Variants in ANKLE2 observed in about 807,000 individuals in gnomAD.
ANKLE2 encodes ankyrin repeat and LEM domain containing 2.
In ANKLE2, 55 loss-of-function variants were observed where a neutral mutation model predicts 84.2. That is an observed-to-expected ratio of 0.65 (90% CI 0.53 to 0.82). The LOEUF is 0.82. ANKLE2 is among the 40% of genes least tolerant of loss of function. ANKLE2 has a pLI of 0.00. For synonymous variants in ANKLE2, 551 were observed against 486.1 expected (o/e 1.13, Z -1.76); for missense variants, 1,238 against 1,201.9 (o/e 1.03, Z -0.44).
rs774140011 is a variant in ANKLE2, at chr12:132,728,086, G to T, written c.2561C>A (p.Ala854Asp). The change falls in exon 12 of 13, where the codon GCC becomes GAC. Residue 854 changes from alanine to aspartate, a missense_variant. Physicochemically the swap from Ala to Asp is moderately radical, Grantham distance 126. Around this residue, in one of 3 missense-constraint regions of ANKLE2, gnomAD observed 802 missense variants for 774.5 expected, o/e 1.04. Coordinates refer to ENST00000357997, the MANE Select transcript of ANKLE2 (RefSeq NM_015114.3). ...CADVDPHQFP[A>D]VHRWKSAVLC... is the part of the protein sequence containing the mutation. ...GACAGCACTCTTCCATCTGTGCACG[G>T]CCGGGAACTGATGGGGGTCGACGTC... The T allele has an allele frequency of 6.2e-7, 1 of 1,612,968 alleles. No individual in the cohort carries two copies. Among genetic ancestry groups the T allele is most frequent in the East Asian group, 2.2e-5 (1 of 44,884 alleles).
intron 3 of ANKLE2, among the ~76,000 whole-genome samples, chr12:132,750,128 C>G (rs182229619): frequency 1.3e-3 from 201 of 148,948 alleles, no homozygotes; most frequent in African/African-American, 5.0e-3. Context: ...TCGCTTGAAC[C>G]CGGGAGGTGG....
rs143910811 is a variant in ANKLE2 at position 132,753,138 on chromosome 12, T to C, written c.640+1537A>G. Among the ~76,000 whole-genome samples, 297 of 151,962 alleles carry C rather than the reference T, an allele frequency of 2.0e-3. 1 individual carries two copies. Among genetic ancestry groups the C allele is most frequent in the Middle Eastern group, 6.8e-3 (2 of 294 alleles). ...CCAGCCTGGGCAACATGGGGAAACA[T>C]TGTCTCTACCAAGAATACAAAAAAA... is the stretch of plus-strand genomic sequence containing the variant. On this transcript the variant is annotated intron_variant, in intron 2 of 12. Coordinates refer to ENST00000357997, the MANE Select transcript of ANKLE2 (RefSeq NM_015114.3).
At chr12:132,728,269 G>T in intron 11 of ANKLE2, 106 bp from the exon 12 acceptor site, 2 of 1,410,024 alleles carry the variant, frequency 1.4e-6, no homozygotes, top group Non-Finnish European at 1.9e-6. Context: ...TTGCTCTGTC[G>T]CCCAGGCTGG....
chr12:132,734,345 G>GC (rs769763406), intron 10 of ANKLE2, 40 bp downstream of exon 10: 3 of 1,602,532 alleles, frequency 1.9e-6, no homozygotes, highest in Admixed American at 3.6e-5. Context: ...GCCATGGGGG[G>GC]CCCCTCCCAG....
At chr12:132,758,651 G>T (rs1427081640) in intron 1 of ANKLE2, 1 of 152,082 alleles carries the variant, frequency 6.6e-6, no homozygotes, top group Non-Finnish European at 1.5e-5. Context: ...AGCCTCCCGA[G>T]TAGCTGGGAT....
intron 5 of ANKLE2, among the ~76,000 whole-genome samples, chr12:132,746,499 T>C (rs2044242389): frequency 6.6e-6 from 1 of 152,166 alleles, no homozygotes; most frequent in Admixed American, 6.5e-5. Context: ...TCCATGAGTT[T>C]TTATCTTGAA....
intron 12 of ANKLE2, 64 bp from the exon 13 acceptor site, chr12:132,727,507 C>T (rs528023618): frequency 1.4e-5 from 19 of 1,403,038 alleles, no homozygotes; most frequent in Admixed American, 1.2e-4. Context: ...CAGCAAAAGT[C>T]GGAGAATAAT....
Position 132,750,723 on chromosome 12 carries a change from T to C in ANKLE2, c.767A>G (p.Tyr256Cys), listed in dbSNP as rs771085828. The C allele has an allele frequency of 4.4e-5, 71 of 1,614,104 alleles. No individual in the cohort carries two copies. Among genetic ancestry groups the C allele is most frequent in the Non-Finnish European group, 5.8e-5 (69 of 1,180,050 alleles). Residue 256 changes from tyrosine (Y) to cysteine (C), a missense_variant, in exon 3 of 13, where the codon TAT becomes TGT. Physicochemically the swap from Tyr to Cys is radical, Grantham distance 194. Transcript: ENST00000357997. ...GGACGTTTTGCTTGGAGAAGGGAAA[T>C]AATCACAAATTCCTCTAGCAAATTT... ...AEKFARGICDYFPSPSKTSLP... is the reference protein window; with the variant it reads ...AEKFARGICDCFPSPSKTSLP...
chr12:132,732,685 T>C (rs2043899346), intron 10 of ANKLE2, among the ~76,000 whole-genome samples: 1 of 117,864 alleles, frequency 8.5e-6, no homozygotes, highest in Admixed American at 8.2e-5. Context: ...TGAAGCTCTC[T>C]GCGTCCTGGT....
intron 10 of ANKLE2, 147 bp from the exon 11 acceptor site, chr12:132,730,417 G>A (rs949682617): frequency 8.6e-5 from 24 of 278,736 alleles, no homozygotes; most frequent in African/African-American, 5.7e-5. Context: ...ACCAACTGCC[G>A]TGACCCCAGC....
intron 7 of ANKLE2, among the ~76,000 whole-genome samples, chr12:132,740,094 C>T (rs969216853): frequency 1.3e-5 from 2 of 152,204 alleles, no homozygotes; most frequent in Non-Finnish European, 2.9e-5. Context: ...GTTTGAAAAT[C>T]CGGAGCAGAC....
Position 132,743,097 on chromosome 12 carries a change from AT to A in ANKLE2, c.1353+56del. ...CTGTGCCTGTGATCACAGACTGTAA[AT>A]TTATATATTTCCATTTCTAACTCTA... On this transcript the variant is annotated intron_variant, in intron 6 of 12. Transcript: ENST00000357997. This position sits in a 1 kb window ranked among gnomAD's most constrained non-coding sequence, Gnocchi z 4.1. The A allele has an allele frequency of 6.6e-7, 1 of 1,506,572 alleles. No homozygotes were observed. The highest frequency in any genetic ancestry group is 9.0e-7 in the Non-Finnish European group (1 of 1,117,078). The allele number at this position is 1,506,572 out of a possible 1,614,324, so 93.3% of individuals were successfully genotyped here.
At chr12:132,746,222 G>GA (rs2044235233) in intron 5 of ANKLE2, among the ~76,000 whole-genome samples, 2 of 152,068 alleles carry the variant, frequency 1.3e-5, no homozygotes, top group Admixed American at 6.6e-5. Flanking sequence ...GGTGGCGGGT[G>GA]CCTGTAGTCC....
rs763524884 is a variant in ANKLE2, at chr12:132,754,774, TA to T, written c.540del (p.Ser181ValfsTer51). The T allele has an allele frequency of 3.7e-6, 6 of 1,613,980 alleles. No homozygotes were observed. The highest frequency in any genetic ancestry group is 1.3e-5 in the African/African-American group (1 of 74,904). On this transcript the variant is annotated frameshift_variant, in exon 2 of 13. Transcript: ENST00000357997. LOFTEE classifies it high-confidence loss of function. ...AVTSKTCSVP[P>X]SDTDTYRAGA... ...CCAGCTCTGTAGGTGTCGGTGTCAC[TA>T]GGGGGCACCGAGCAGGTCTTGGATG... is the stretch of plus-strand genomic sequence containing the variant.
Position 132,726,504 on chromosome 12 carries a change from G to A in ANKLE2, c.*738C>T, listed in dbSNP as rs767385613. ...AATGAAGCAGGCGGTGAAGGCTCAC[G>A]TGCTGAGGAAACAGGGAACACCTTG... On this transcript the variant is annotated 3_prime_UTR_variant, in exon 13 of 13. Transcript: ENST00000357997. 4 of 152,214 alleles carry A rather than the reference G, an allele frequency of 2.6e-5. No individual in the cohort carries two copies. The highest frequency in any genetic ancestry group is 6.5e-5 in the Admixed American group (1 of 15,278). The allele number at this position is 152,214 out of a possible 1,614,324, so 9.4% of individuals were successfully genotyped here.
chr12:132,737,522 C>G (rs1266124300), intron 7 of ANKLE2: 2 of 152,652 alleles, frequency 1.3e-5, no homozygotes, highest in African/African-American at 4.8e-5. Flanking sequence ...CAAGACCAGC[C>G]TGGCCAACAT....
chr12:132,742,718 C>CT (rs1340900206), intron 6 of ANKLE2, among the ~76,000 whole-genome samples: 3 of 454 alleles, frequency 6.6e-3, no homozygotes, highest in Non-Finnish European at 0.013. Context: ...TCACCATCAT[C>CT]ACCACCACTG....
At chr12:132,747,769 C>A in intron 5 of ANKLE2, 63 bp downstream of exon 5, 1 of 1,556,086 alleles carries the variant, frequency 6.4e-7, no homozygotes, top group Admixed American at 2.3e-5. Context: ...ATAAAGCATT[C>A]TTTTGGGGAA....
chr12:132,761,601 G>C lies in ANKLE2; in HGVS notation c.181+17C>G. On this transcript the variant is annotated intron_variant, in intron 1 of 12. Coordinates refer to ENST00000357997, the MANE Select transcript of ANKLE2 (RefSeq NM_015114.3). ...AGGGGCCAGGGTGCGGGGACCCAGCGACCGCCTGGGCCTTACCTGAGGCGG... is the reference window on the plus strand; with the variant it reads ...AGGGGCCAGGGTGCGGGGACCCAGCCACCGCCTGGGCCTTACCTGAGGCGG... 1 of 1,221,048 alleles carries C rather than the reference G, an allele frequency of 8.2e-7. No homozygotes were observed. The highest frequency in any genetic ancestry group is 1.0e-6 in the Non-Finnish European group (1 of 979,856). 75.6% of individuals were successfully genotyped at this position (1,221,048 alleles called of 1,614,324 possible).
Sources: gnomAD v4.1 joint callset for allele counts (sites outside exome capture counted in the v4.1 genomes callset) on GRCh38, gnomAD v4.1.1 for gene constraint, gnomAD v4.1.1 regional missense constraint, Gnocchi (gnomAD v3.1) non-coding constraint, MANE v1.5 for transcripts, NCBI Gene and HGNC (gene_info 2026-07-23, HGNC 2026-07-21) for gene names.